DNAAF4: variants seen among roughly 807,000 people sequenced by gnomAD.
The protein encoded by DNAAF4 is dynein assembly factor 4, axonemal.
DNAAF4 carries 43 observed loss-of-function variants against 51.8 expected under a neutral mutation model. The ratio of observed to expected loss-of-function variants is 0.83; its 90% CI spans 0.65 to 1.07. The LOEUF is 1.07. Among genes scored for constraint, DNAAF4 ranks in the 50% least tolerant of loss-of-function variants. The pLI is 0.00. For synonymous variants in DNAAF4, 194 were observed against 165.6 expected (o/e 1.17, Z -1.32); for missense variants, 581 against 493.0 (o/e 1.18, Z -1.69).
At chr15:55,468,642 A>C (rs573335132) in intron 4 of DNAAF4, among the ~76,000 whole-genome samples, 12 of 152,294 alleles carry the variant, frequency 7.9e-5, no homozygotes, top group African/African-American at 2.9e-4. Context: ...GCCCCAACAC[A>C]TGAAAAAGGG....
chr15:55,434,000 T>TATATATATTCTTATATATA (rs2057565873), intron 8 of DNAAF4, among the ~76,000 whole-genome samples: 1 of 54,428 alleles, frequency 1.8e-5, no homozygotes, highest in Non-Finnish European at 3.5e-5. Flanking sequence ...TATATAATAT[T>TATATATATTCTTATATATA]ATATATATTA....
Position 55,446,606 on chromosome 15 carries a change from A to T in DNAAF4, c.783+3616T>A, listed in dbSNP as rs1171239933. Among the ~76,000 whole-genome samples the T allele has an allele frequency of 2.2e-5, 3 of 133,626 alleles. No homozygotes were observed. In the East Asian group the frequency reaches 7.7e-4, roughly 34 times the overall value. 87.7% of individuals were successfully genotyped at this position (133,626 alleles called of 152,430 possible). A position where few individuals can be genotyped will look rare whatever the true frequency, so the allele number is the denominator to read the frequency against. On this transcript the variant is annotated intron_variant, in intron 6 of 9. Transcript: ENST00000321149. Reference sequence around the variant, plus strand: ...GGCAGAGGCGCTCCTCACCTTCCAGACAGGGCGGCCGAGCAGAGGCGCACC... The same window carrying T: ...GGCAGAGGCGCTCCTCACCTTCCAGTCAGGGCGGCCGAGCAGAGGCGCACC...
At chr15:55,479,194 C>G (rs1223413382) in intron 4 of DNAAF4, among the ~76,000 whole-genome samples, 1 of 151,284 alleles carries the variant, frequency 6.6e-6, no homozygotes, top group African/African-American at 2.4e-5. Context: ...CTAAGCATAA[C>G]CACCTAAACT....
At chr15:55,478,972 C>A (rs967020099) in intron 4 of DNAAF4, among the ~76,000 whole-genome samples, 1 of 151,974 alleles carries the variant, frequency 6.6e-6, no homozygotes, top group East Asian at 1.9e-4. Context: ...ATGCAGTTAC[C>A]CAGACTGCAT....
chr15:55,486,478 G>GC (rs2058491316), intron 4 of DNAAF4, among the ~76,000 whole-genome samples: 1 of 152,050 alleles, frequency 6.6e-6, no homozygotes, highest in Non-Finnish European at 1.5e-5. Flanking sequence ...ACAGGCATGA[G>GC]CCACCATGCC....
intron 3 of DNAAF4, among the ~76,000 whole-genome samples, chr15:55,494,471 G>C (rs915769692): frequency 2.6e-5 from 4 of 151,968 alleles, no homozygotes; most frequent in African/African-American, 9.7e-5. Flanking sequence ...GAGTGCAGTG[G>C]TGAGATCTCA....
intron 4 of DNAAF4, among the ~76,000 whole-genome samples, chr15:55,475,148 A>T (rs1445222431): frequency 1.3e-5 from 2 of 152,218 alleles, no homozygotes; most frequent in Non-Finnish European, 2.9e-5. Flanking sequence ...TACAAAGTCA[A>T]TGTAAATTCA....
intron 5 of DNAAF4, among the ~76,000 whole-genome samples, chr15:55,461,074 AT>A (rs879508635): frequency 5.1e-4 from 66 of 129,774 alleles, no homozygotes; most frequent in Admixed American, 6.2e-4. Flanking sequence ...CATCTCAATA[AT>A]TTTTTTTTTT....
intron 1 of DNAAF4, among the ~76,000 whole-genome samples, chr15:55,501,414 C>G (rs1394992476): frequency 8.5e-6 from 1 of 118,262 alleles, no homozygotes; most frequent in Non-Finnish European, 1.7e-5. Flanking sequence ...CTCGCTCTTT[C>G]GCCCAGGCTG....
chr15:55,501,364 A>ATTTC (rs1245826148), intron 1 of DNAAF4, among the ~76,000 whole-genome samples: 11 of 118,794 alleles, frequency 9.3e-5, no homozygotes, highest in African/African-American at 2.8e-4. Context: ...GCCTGGCAGG[A>ATTTC]TTTCTTTCTT....
intron 4 of DNAAF4, among the ~76,000 whole-genome samples, chr15:55,490,370 A>C (rs900386935): frequency 6.6e-6 from 1 of 152,134 alleles, no homozygotes; most frequent in Non-Finnish European, 1.5e-5. Context: ...AATGTACTAA[A>C]AACTATTAAA....
rs183200272 is a variant in DNAAF4 at position 55,466,781 on chromosome 15, G to A, written c.637+149C>T. The A allele has an allele frequency of 4.6e-6, 4 of 875,044 alleles. No homozygotes were observed. In the African/African-American group the frequency reaches 5.3e-5, roughly 12 times the overall value. The allele number at this position is 875,044 out of a possible 1,614,324, so 54.2% of individuals were successfully genotyped here. A position where few individuals can be genotyped will look rare whatever the true frequency, so the allele number is the denominator to read the frequency against. ...CTTCATTATCCCCGAAAGAAGAAATGTCTTTACTTTAGTCTTTGTACTGAA... is the reference window on the plus strand; with the variant it reads ...CTTCATTATCCCCGAAAGAAGAAATATCTTTACTTTAGTCTTTGTACTGAA... On this transcript the variant is annotated intron_variant, in intron 5 of 9. Coordinates refer to ENST00000321149, the MANE Select transcript of DNAAF4 (RefSeq NM_130810.4).
At chr15:55,476,849 T>C (rs2058341379) in intron 4 of DNAAF4, among the ~76,000 whole-genome samples, 1 of 151,984 alleles carries the variant, frequency 6.6e-6, no homozygotes, top group Non-Finnish European at 1.5e-5. Flanking sequence ...GTTTAATGGG[T>C]ACAGAGTTTT....
At chr15:55,431,186 T>C (rs2057487165) in intron 9 of DNAAF4, among the ~76,000 whole-genome samples, 1 of 152,120 alleles carries the variant, frequency 6.6e-6, no homozygotes, top group African/African-American at 2.4e-5. Flanking sequence ...GTGCTGGGAT[T>C]ACAGGTGTGA....
At chr15:55,473,938 G>A (rs2058302156) in intron 4 of DNAAF4, among the ~76,000 whole-genome samples, 1 of 152,040 alleles carries the variant, frequency 6.6e-6, no homozygotes, top group Non-Finnish European at 1.5e-5. Flanking sequence ...GTTGCAGTGA[G>A]CCTAGATCAC....
intron 1 of DNAAF4, among the ~76,000 whole-genome samples, chr15:55,499,333 G>T (rs964325335): frequency 1.3e-5 from 2 of 152,168 alleles, no homozygotes; most frequent in African/African-American, 4.8e-5. Flanking sequence ...ACCAATCAGG[G>T]CTCAGCTGTA....
intron 7 of DNAAF4, among the ~76,000 whole-genome samples, chr15:55,424,002 A>G (rs1179263898): frequency 2.0e-5 from 3 of 152,162 alleles, no homozygotes; most frequent in Admixed American, 2.0e-4. Flanking sequence ...AGGCAGGAGA[A>G]TCACTTGAAC....
At chr15:55,432,387 C>T (rs1252160248) in intron 9 of DNAAF4, 110 bp downstream of exon 9, 1 of 721,582 alleles carries the variant, frequency 1.4e-6, no homozygotes, top group Non-Finnish European at 2.2e-6. Context: ...AAATTAAATG[C>T]TAAAAATATT....
rs1416987714 is a variant in DNAAF4 at position 55,435,001 on chromosome 15, T to C, written c.951A>G (p.Ile317Met). The change falls in exon 8 of 10, where the codon ATA (isoleucine) becomes ATG (methionine). Residue 317 changes from isoleucine to methionine, a missense_variant. Physicochemically the swap from Ile to Met is conservative, Grantham distance 10. Transcript: ENST00000321149. ...LAAINAYNLA[I>M]RLNNKMPLLY... ...ATAGTGGCATCTTATTATTTAGTCTTATGGCTAAATTATATGCATTGATAG... is the reference window on the plus strand; with the variant it reads ...ATAGTGGCATCTTATTATTTAGTCTCATGGCTAAATTATATGCATTGATAG... The C allele has an allele frequency of 1.2e-6, 2 of 1,612,772 alleles. No homozygotes were observed. Among genetic ancestry groups the C allele is most frequent in the East Asian group, 4.5e-5 (2 of 44,836 alleles).
Sources: gnomAD v4.1 joint callset for allele counts (sites outside exome capture counted in the v4.1 genomes callset) on GRCh38, gnomAD v4.1.1 for gene constraint, MANE v1.5 for transcripts, NCBI Gene and HGNC (gene_info 2026-07-23, HGNC 2026-07-21) for gene names.